AP1M1: variants seen among roughly 807,000 people sequenced by gnomAD.
The protein encoded by AP1M1 is AP-1 complex subunit mu-1.
In AP1M1, 18 loss-of-function variants were observed where a neutral mutation model predicts 57.1. The observed-to-expected ratio is 0.32, with a 90% CI of 0.22 to 0.47. The LOEUF is 0.47. Among genes scored for constraint, AP1M1 ranks in the 20% least tolerant of loss-of-function variants. The probability of loss-of-function intolerance (pLI) is 1.00; values close to 1 mark genes in which losing one functional copy is unlikely to be tolerated. For synonymous variants in AP1M1, 241 were observed against 237.9 expected (o/e 1.01, Z -0.12); for missense variants, 362 against 593.5 (o/e 0.61, Z 4.05).
At chr19:16,222,205 A>ATTTT (rs1213761084) in intron 5 of AP1M1, among the ~76,000 whole-genome samples, 7 of 60,364 alleles carry the variant, frequency 1.2e-4, no homozygotes, top group African/African-American at 2.5e-4. Context: ...TACTATTATT[A>ATTTT]TTATTATTTT....
At position 16,243,173 on chromosome 19, in the gene AP1M1, A is replaced by G. The variant is rs2091651230; in HGVS notation, c.*8738A>G. 6.6e-6 allele frequency: 1 copy of G among 152,244 alleles called. No homozygotes were observed. The highest frequency in any genetic ancestry group is 1.9e-4 in the East Asian group (1 of 5,204). The allele number at this position is 152,244 out of a possible 1,614,324, so 9.4% of individuals were successfully genotyped here. A position where few individuals can be genotyped will look rare whatever the true frequency, so the allele number is the denominator to read the frequency against. ...TTATTAGAGTTCCCACTCTCTGAGG[A>G]ATTTTCAAGAGAAATTAGTTAGAAT... On this transcript the variant is annotated 3_prime_UTR_variant, in exon 12 of 12. Coordinates refer to ENST00000291439, the MANE Select transcript of AP1M1 (RefSeq NM_032493.4).
chr19:16,215,552 A>G (rs1457990668), intron 5 of AP1M1, among the ~76,000 whole-genome samples: 1 of 145,622 alleles, frequency 6.9e-6, no homozygotes, highest in East Asian at 2.1e-4. Flanking sequence ...TGAGAGGCCC[A>G]CTGCTAGTCT....
chr19:16,210,139 C>T (rs1221342404), intron 5 of AP1M1, among the ~76,000 whole-genome samples: 3 of 152,228 alleles, frequency 2.0e-5, no homozygotes, highest in African/African-American at 7.2e-5. Flanking sequence ...GCTCTCGAGT[C>T]TGGCTGCTTT....
Position 16,228,445 on chromosome 19 carries a change from CA to C in AP1M1, c.888+238del, listed in dbSNP as rs1011706116. ...AGGACACTCCCAGAGGTGTTGCCCC[CA>C]GGTGGAGCACCTCTGCCCCTCAGCG... is the stretch of plus-strand genomic sequence containing the variant. On this transcript the variant is annotated intron_variant, in intron 8 of 11. Transcript: ENST00000291439. This position sits in a 1 kb window ranked among gnomAD's most constrained non-coding sequence, Gnocchi z 5.0. Among the ~76,000 whole-genome samples, 6 of 152,190 alleles carry C rather than the reference CA, an allele frequency of 3.9e-5. No individual in the cohort carries two copies. The highest frequency in any genetic ancestry group is 3.9e-4 in the Admixed American group (6 of 15,282).
At position 16,227,717 on chromosome 19, in the gene AP1M1, T is replaced by A; in HGVS notation, c.816+27T>A. On this transcript the variant is annotated intron_variant, in intron 7 of 11. Transcript: ENST00000291439. The surrounding 1 kb of genome is among the most constrained non-coding windows in gnomAD (Gnocchi z 6.2). ...TGAGTGCGCCACCCTGGGGCTGGGC[T>A]GTCGGCAGACTCCTCCTCCCCTTCA... 1 of 1,607,414 alleles carries A rather than the reference T, an allele frequency of 6.2e-7. No individual in the cohort carries two copies. The highest frequency in any genetic ancestry group is 8.5e-7 in the Non-Finnish European group (1 of 1,175,410).
At chr19:16,230,907 C>T (rs188484823) in intron 9 of AP1M1, among the ~76,000 whole-genome samples, 161 of 152,066 alleles carry the variant, frequency 1.1e-3, no homozygotes, top group African/African-American at 3.7e-3. Flanking sequence ...AATTCATCAG[C>T]GTATCAAGTT....
intron 5 of AP1M1, among the ~76,000 whole-genome samples, chr19:16,216,542 C>G (rs1170582892): frequency 1.3e-5 from 2 of 152,094 alleles, no homozygotes; most frequent in African/African-American, 4.8e-5. Flanking sequence ...TGTGCTCGTT[C>G]TTTCTCATTT....
rs370876762 is a variant in AP1M1, at chr19:16,231,091, A to G, written c.1047+2163A>G. Among the ~76,000 whole-genome samples the G allele has an allele frequency of 2.8e-4, 42 of 152,114 alleles. No homozygotes were observed. The South Asian group carries it at 8.3e-3, about 30-fold the overall frequency. On this transcript the variant is annotated intron_variant, in intron 9 of 11. Coordinates refer to ENST00000291439, the MANE Select transcript of AP1M1 (RefSeq NM_032493.4). The stretch of plus-strand genomic sequence containing the variant: ...ATCACAAGGTCAGGAGATCAAGACC[A>G]TCCTGGCTAACATGGTGAAACCCCG...
rs1472397651 is a variant in AP1M1 at position 16,240,119 on chromosome 19, G to A, written c.*5684G>A. 2.6e-5 allele frequency: 4 copies of A among 152,128 alleles called. No individual in the cohort carries two copies. The highest frequency in any genetic ancestry group is 5.9e-5 in the Non-Finnish European group (4 of 68,042). The allele number at this position is 152,128 out of a possible 1,614,324, so 9.4% of individuals were successfully genotyped here. A position where few individuals can be genotyped will look rare whatever the true frequency, so the allele number is the denominator to read the frequency against. ...TTAGGTAATCTAGAGATGATTTAAA[G>A]ATGATGTGCATAGGATATATGCAAA... On this transcript the variant is annotated 3_prime_UTR_variant, in exon 12 of 12. Coordinates refer to ENST00000291439, the MANE Select transcript of AP1M1 (RefSeq NM_032493.4).
At chr19:16,226,163 C>T (rs2091570416) in intron 5 of AP1M1, among the ~76,000 whole-genome samples, 1 of 152,202 alleles carries the variant, frequency 6.6e-6, no homozygotes, top group African/African-American at 2.4e-5. Flanking sequence ...CAGTGTCCAC[C>T]TCATGTCCAC....
rs748765049 is a variant in AP1M1 at position 16,228,897 on chromosome 19, G to C, written c.1016G>C (p.Ser339Thr). Reference protein sequence around the residue: ...VGSVKWVPENSEIVWSIKSFP... With the variant: ...VGSVKWVPENTEIVWSIKSFP... ...AGCGTTAAGTGGGTCCCCGAGAACA[G>C]CGAGATCGTGTGGTCCATCAAGTCC... is the stretch of plus-strand genomic sequence containing the variant. The change falls in exon 9 of 12, where the codon AGC (serine) becomes ACC (threonine). Residue 339 changes from serine to threonine, a missense_variant. Around this residue, in one of 2 missense-constraint regions of AP1M1, gnomAD observed 337 missense variants for 511.1 expected, o/e 0.66. Coordinates refer to ENST00000291439, the MANE Select transcript of AP1M1 (RefSeq NM_032493.4). This position sits in a 1 kb window ranked among gnomAD's most constrained non-coding sequence, Gnocchi z 5.0. The C allele has an allele frequency of 3.7e-6, 6 of 1,614,172 alleles. No individual in the cohort carries two copies. Among genetic ancestry groups the C allele is most frequent in the Non-Finnish European group, 5.1e-6 (6 of 1,180,020 alleles).
At chr19:16,202,597 GCT>G (rs146083291) in intron 1 of AP1M1, among the ~76,000 whole-genome samples, 120 of 152,306 alleles carry the variant, frequency 7.9e-4, no homozygotes, top group African/African-American at 2.8e-3. Flanking sequence ...TGCAGGATGA[GCT>G]CTCGTTTGTC....
Position 16,207,431 on chromosome 19 carries a change from A to G in AP1M1, c.268-588A>G, listed in dbSNP as rs2091473820. Among the ~76,000 whole-genome samples, 1 of 151,906 alleles carries G rather than the reference A, an allele frequency of 6.6e-6. No individual in the cohort carries two copies. The highest frequency in any genetic ancestry group is 6.6e-5 in the Admixed American group (1 of 15,256). On this transcript the variant is annotated intron_variant, in intron 3 of 11. Transcript: ENST00000291439. The surrounding 1 kb of genome is among the most constrained non-coding windows in gnomAD (Gnocchi z 4.2). ...CAGAGGCCGGGTGATCACAGTCCTG[A>G]AGCGCGCAGGGGTCAGCAGATCAGA...
chr19:16,216,432 G>A (rs563360434), intron 5 of AP1M1, among the ~76,000 whole-genome samples: 6 of 149,490 alleles, frequency 4.0e-5, no homozygotes, highest in South Asian at 4.2e-4. Context: ...GCGACAGAGC[G>A]AAACTCCGTC....
intron 9 of AP1M1, among the ~76,000 whole-genome samples, chr19:16,232,604 G>A (rs2145143436): frequency 6.6e-6 from 1 of 152,342 alleles, no homozygotes; most frequent in South Asian, 2.1e-4. Context: ...CACCAAGTCA[G>A]GCAGAGTCCT....
At chr19:16,208,837 A>T in intron 4 of AP1M1, 193 bp from the exon 5 acceptor site, 1 of 580,586 alleles carries the variant, frequency 1.7e-6, no homozygotes, top group Non-Finnish European at 2.9e-6. Context: ...AATTGTGAAG[A>T]TTTTTCTGTA....
chr19:16,222,199 A>AT (rs1568353073), intron 5 of AP1M1, among the ~76,000 whole-genome samples: 21 of 130,194 alleles, frequency 1.6e-4, no homozygotes, highest in Admixed American at 4.7e-4. Flanking sequence ...TATTATTACT[A>AT]TTATTATTAT....
intron 4 of AP1M1, 104 bp downstream of exon 4, chr19:16,208,253 C>T (rs1216629567): frequency 6.2e-5 from 80 of 1,289,948 alleles, no homozygotes; most frequent in Non-Finnish European, 8.1e-5. Context: ...TCATGTTGTC[C>T]CCCACCTGCC....
At chr19:16,222,260 A>G (rs2091549186) in intron 5 of AP1M1, among the ~76,000 whole-genome samples, 1 of 144,698 alleles carries the variant, frequency 6.9e-6, no homozygotes. Flanking sequence ...CAGGCTGGAG[A>G]GCCATGGAGC....
Sources: allele counts gnomAD v4.1 joint callset (sites outside exome capture counted in the v4.1 genomes callset), GRCh38; gene constraint gnomAD v4.1.1; regional missense constraint gnomAD v4.1.1; non-coding constraint Gnocchi (gnomAD v3.1); transcripts MANE v1.5; gene names NCBI Gene and HGNC (gene_info 2026-07-23, HGNC 2026-07-21).